Variants in FAM169A observed in about 807,000 individuals in gnomAD.
FAM169A encodes the protein soluble lamin-associated protein of 75 kDa.
Under a neutral mutation model 75.7 loss-of-function variants are expected in FAM169A, and 24 were observed. That is an observed-to-expected ratio of 0.32 (90% confidence interval 0.23 to 0.45). The LOEUF is 0.45. Ranked by LOEUF, FAM169A falls within the 20% of genes least tolerant of loss-of-function variation. The pLI is 1.00. For synonymous variants in FAM169A, 271 were observed against 271.0 expected, an observed-to-expected ratio of 1.00 and a Z score of 0.00; for missense variants, 673 against 784.0, an observed-to-expected ratio of 0.86 and a Z score of 1.69.
At chr5:74,784,457 G>GA (rs2112460416) in intron 11 of FAM169A, among the ~76,000 whole-genome samples, 1 of 128,030 alleles carries the variant, frequency 7.8e-6, no homozygotes, top group East Asian at 2.3e-4. Flanking sequence ...CAGTGAGCCA[G>GA]AGAGATCATG....
Position 74,834,425 on chromosome 5 carries a change from C to A in FAM169A, c.490+1G>T. 6.8e-7 allele frequency: 1 copy of A among 1,480,746 alleles called. No homozygotes were observed. Among genetic ancestry groups the A allele is most frequent in the Non-Finnish European group, 9.0e-7 (1 of 1,109,354 alleles). 91.7% of individuals were successfully genotyped at this position (1,480,746 alleles called of 1,614,324 possible). On this transcript the variant is annotated splice_donor_variant, in intron 5 of 12. Coordinates refer to ENST00000687041, the MANE Select transcript of FAM169A (RefSeq NM_001376049.1). LOFTEE classifies it high-confidence loss of function. ...AGTTTAAATAACTTTTAAAGACTCA[C>A]CTGTAGGCTTAACTGAATAAAACCC...
chr5:74,810,977 T>TC (rs889223191), intron 6 of FAM169A, among the ~76,000 whole-genome samples: 2 of 142,954 alleles, frequency 1.4e-5, no homozygotes, highest in African/African-American at 5.3e-5. Context: ...GGCCTGGATT[T>TC]TTTTTTTTTT....
At position 74,793,619 on chromosome 5, in the gene FAM169A, G is replaced by C. The variant is rs900917403; in HGVS notation, c.1260+2411C>G. ...CGTTGGGTACAGTATACACTGCTTG[G>C]ATGATGGGTGCACCAAAATCTCAGA... On this transcript the variant is annotated intron_variant, in intron 11 of 12. Transcript: ENST00000687041. 4.6e-5 allele frequency among the ~76,000 whole-genome samples: 7 copies of C among 152,170 alleles called. No homozygotes were observed. In the East Asian group the frequency reaches 1.2e-3, roughly 25 times the overall value.
intron 1 of FAM169A, among the ~76,000 whole-genome samples, chr5:74,857,174 G>A (rs1305555403): frequency 1.3e-5 from 2 of 151,258 alleles, no homozygotes; most frequent in Non-Finnish European, 2.9e-5. Flanking sequence ...AAGGCCAAGA[G>A]GGCAAAGGAT....
intron 4 of FAM169A, among the ~76,000 whole-genome samples, chr5:74,838,319 C>A (rs1045433056): frequency 6.6e-6 from 1 of 152,092 alleles, no homozygotes; most frequent in Admixed American, 6.5e-5. Flanking sequence ...CTCTTCCAGC[C>A]ACCAAAGATT....
At position 74,781,647 on chromosome 5, in the gene FAM169A, T is replaced by C; in HGVS notation, c.1826A>G (p.Asn609Ser). ...TGCTTCAGACTGCTCCTCTGACTGA[T>C]TCTTCTGTCCTGCATTCTGTGAAAA... ...VPFSQNAGQK[N>S]QSEEQSEASS... The change falls in exon 13 of 13, where the codon AAT becomes AGT. Residue 609 changes from asparagine to serine, a missense_variant. By Grantham distance (46) the Asn-to-Ser change is conservative (BLOSUM62 1). This residue lies in a region of FAM169A where 510 missense variants were observed against 550.9 expected (regional missense o/e 0.93). Coordinates refer to ENST00000687041, the MANE Select transcript of FAM169A (RefSeq NM_001376049.1). 1 of 1,614,168 alleles carries C rather than the reference T, an allele frequency of 6.2e-7. No individual in the cohort carries two copies. Among genetic ancestry groups the C allele is most frequent in the Non-Finnish European group, 8.5e-7 (1 of 1,180,002 alleles).
At chr5:74,793,936 G>A (rs1323108348) in intron 11 of FAM169A, among the ~76,000 whole-genome samples, 3 of 147,604 alleles carry the variant, frequency 2.0e-5, no homozygotes, top group Non-Finnish European at 4.5e-5. Context: ...CCAGGAGGCA[G>A]AGCTTGCAGT....
chr5:74,823,262 C>T (rs1747854042), intron 5 of FAM169A, among the ~76,000 whole-genome samples: 1 of 152,154 alleles, frequency 6.6e-6, no homozygotes, highest in African/African-American at 2.4e-5. Flanking sequence ...GGATGTAGTT[C>T]CAAATATGCC....
intron 1 of FAM169A, among the ~76,000 whole-genome samples, chr5:74,864,061 A>C (rs1425047112): frequency 6.6e-6 from 1 of 152,170 alleles, no homozygotes; most frequent in Non-Finnish European, 1.5e-5. Context: ...GAAGCACGAT[A>C]TTTTTGCCAG....
At chr5:74,851,236 T>C (rs2112712484) in intron 1 of FAM169A, among the ~76,000 whole-genome samples, 1 of 150,728 alleles carries the variant, frequency 6.6e-6, no homozygotes, top group South Asian at 2.1e-4. Flanking sequence ...TAGGGCCTCC[T>C]TCCTCCAGTA....
upstream of FAM169A, chr5:74,866,579 C>G (rs1047746300): frequency 1.8e-6 from 1 of 550,560 alleles, no homozygotes; most frequent in Non-Finnish European, 2.3e-6. Flanking sequence ...CGGCCCCCGC[C>G]TCGCCACCCG....
At chr5:74,812,409 G>A (rs1243861460) in intron 6 of FAM169A, among the ~76,000 whole-genome samples, 4 of 150,668 alleles carry the variant, frequency 2.7e-5, no homozygotes, top group African/African-American at 9.7e-5. Flanking sequence ...TTACAGGCGT[G>A]AGCCACCATA....
chr5:74,814,737 C>T (rs575292607), intron 5 of FAM169A, among the ~76,000 whole-genome samples: 2 of 152,176 alleles, frequency 1.3e-5, no homozygotes, highest in Admixed American at 6.5e-5. Flanking sequence ...TTTTAAGAAC[C>T]CTGCTCTATA....
intron 6 of FAM169A, among the ~76,000 whole-genome samples, chr5:74,808,935 T>C (rs1420416534): frequency 6.6e-6 from 1 of 152,234 alleles, no homozygotes; most frequent in African/African-American, 2.4e-5. Context: ...GACACTAGTC[T>C]ATCATTTTTT....
intron 11 of FAM169A, among the ~76,000 whole-genome samples, chr5:74,791,673 C>T (rs1745983253): frequency 6.6e-6 from 1 of 152,120 alleles, no homozygotes; most frequent in Admixed American, 6.5e-5. Context: ...CTTAGTATTA[C>T]GATGCCCTGT....
At position 74,819,804 on chromosome 5, in the gene FAM169A, A is replaced by G. The variant is rs543444749; in HGVS notation, c.491-5785T>C. Among the ~76,000 whole-genome samples the G allele has an allele frequency of 2.7e-4, 41 of 152,274 alleles. No homozygotes were observed. The East Asian group carries it at 7.7e-3, about 29-fold the overall frequency. On this transcript the variant is annotated intron_variant, in intron 5 of 12. Coordinates refer to ENST00000687041, the MANE Select transcript of FAM169A (RefSeq NM_001376049.1). ...GCTAAACAAAAGACGCCAGACACAA[A>G]AAGTCACATATTATTCATATAAAAT...
chr5:74,856,242 T>A (rs938723961), intron 1 of FAM169A, among the ~76,000 whole-genome samples: 2 of 152,238 alleles, frequency 1.3e-5, no homozygotes, highest in African/African-American at 4.8e-5. Flanking sequence ...TTCTTTTTAC[T>A]CAGGATAGCT....
intron 4 of FAM169A, among the ~76,000 whole-genome samples, chr5:74,838,207 G>A (rs1171353135): frequency 6.6e-6 from 1 of 150,884 alleles, no homozygotes; most frequent in African/African-American, 2.4e-5. Flanking sequence ...TTAATGAATA[G>A]TACTGCTTCT....
At chr5:74,802,647 T>C (rs942135613) in intron 8 of FAM169A, among the ~76,000 whole-genome samples, 1 of 152,134 alleles carries the variant, frequency 6.6e-6, no homozygotes, top group Non-Finnish European at 1.5e-5. Context: ...TTTCCAACAA[T>C]GGACCATCTA....
Sources: gnomAD v4.1 joint callset for allele counts (sites outside exome capture counted in the v4.1 genomes callset) on GRCh38, gnomAD v4.1.1 for gene constraint, gnomAD v4.1.1 regional missense constraint, MANE v1.5 for transcripts, NCBI Gene and HGNC (gene_info 2026-07-23, HGNC 2026-07-21) for gene names.